Variants in GBF1 observed in about 807,000 individuals in gnomAD.
GBF1 encodes Golgi-specific brefeldin A-resistance guanine nucleotide exchange factor 1.
A neutral mutation model predicts 210.5 loss-of-function variants in GBF1; 114 were observed. The observed-to-expected ratio is 0.54, with a 90% CI of 0.47 to 0.63. The LOEUF (loss-of-function observed/expected upper bound fraction) is 0.63, where lower values mean the gene tolerates loss of function less well. GBF1 is among the 30% of genes least tolerant of loss of function. The pLI is 0.00. For missense variants in GBF1, 1,851 were observed against 2,357.7 expected, an observed-to-expected ratio of 0.79 and a Z score of 4.45; for synonymous variants, 850 against 889.2, an observed-to-expected ratio of 0.96 and a Z score of 0.78.
At chr10:102,237,679 G>T in the GBF1 span, among the ~76,000 whole-genome samples, 1 of 152,036 alleles carries the variant, frequency 6.6e-6, no homozygotes, top group African/African-American at 2.4e-5. Context: ...ATTGTTTTGA[G>T]GTCACCAGCT....
chr10:102,298,646 G>C (rs1349415364), intron 3 of GBF1, among the ~76,000 whole-genome samples: 2 of 152,138 alleles, frequency 1.3e-5, no homozygotes, highest in African/African-American at 4.8e-5. Flanking sequence ...AACTTTGTAT[G>C]TATCATCTCA....
chr10:102,376,990 C>A lies in GBF1; in HGVS notation c.4344C>A (p.Asn1448Lys). The change falls in exon 33 of 40, where the codon AAC (asparagine) becomes AAA (lysine). Residue 1448 changes from asparagine (N) to lysine (K), a missense_variant. Asn to Lys is a moderately conservative substitution (Grantham distance 94). Coordinates refer to ENST00000369983, the MANE Select transcript of GBF1 (RefSeq NM_001377137.1). ...GKSHKYDSKG[N>K]RFKKKSKEGS... ...GTCACAAATATGACAGCAAAGGGAACCGCTTCAAGAAGAAATCCAAAGAGG... is the reference window on the plus strand; with the variant it reads ...GTCACAAATATGACAGCAAAGGGAAACGCTTCAAGAAGAAATCCAAAGAGG... 1 of 1,614,162 alleles carries A rather than the reference C, an allele frequency of 6.2e-7. No individual in the cohort carries two copies. The highest frequency in any genetic ancestry group is 8.5e-7 in the Non-Finnish European group (1 of 1,180,020).
chr10:102,257,703 C>A (rs1474917195), intron 1 of GBF1, among the ~76,000 whole-genome samples: 14 of 152,072 alleles, frequency 9.2e-5, no homozygotes, highest in Non-Finnish European at 1.2e-4. Context: ...TAACTTGAAT[C>A]TTTAAATTCA....
In GBF1 at chr10:102,376,432, G is replaced by A. The variant is rs1267203798; in HGVS notation, c.4047G>A (p.Val1349=). 6.2e-7 allele frequency: 1 copy of A among 1,614,138 alleles called. No homozygotes were observed. The highest frequency in any genetic ancestry group is 8.5e-7 in the Non-Finnish European group (1 of 1,179,986). Residue 1349 remains valine (V), a splice_region_variant and synonymous_variant, in exon 31 of 40, where the codon GTG becomes GTA. Coordinates refer to ENST00000369983, the MANE Select transcript of GBF1 (RefSeq NM_001377137.1). ...ATGTGGTCAACAGTGGTTGGTTAGT[G>A]GTGAGTGACAATATGGGCAGCAATT... ...DADVVNSGWL[V]VGKDDVDNSK...
At chr10:102,331,043 A>G (rs371007263) in intron 3 of GBF1, among the ~76,000 whole-genome samples, 12 of 152,150 alleles carry the variant, frequency 7.9e-5, no homozygotes, top group African/African-American at 2.7e-4. Flanking sequence ...TTTCAGGAGC[A>G]GAGATTTACG....
At chr10:102,351,191 G>A in intron 4 of GBF1, 65 bp from the exon 5 acceptor site, 1 of 911,516 alleles carries the variant, frequency 1.1e-6, no homozygotes, top group South Asian at 1.4e-5. Context: ...AAGCTAGACA[G>A]GCTGCCTTAC....
intron 4 of GBF1, among the ~76,000 whole-genome samples, chr10:102,347,115 G>T (rs370035513): frequency 6.6e-6 from 1 of 152,192 alleles, no homozygotes; most frequent in African/African-American, 2.4e-5. Context: ...CAAGGATGAA[G>T]AATATAGAAA....
chr10:102,366,017 G>A lies in GBF1; in HGVS notation c.2310-366G>A, dbSNP rs113132734. 2.0e-3 allele frequency among the ~76,000 whole-genome samples: 298 copies of A among 152,030 alleles called. No homozygotes were observed. The highest frequency in any genetic ancestry group is 6.8e-3 in the African/African-American group (284 of 41,474). ...AGGGACAGAACATCCCTACCTCAAA[G>A]CGGTCTCTATAAATTTCTTCTGGAG... On this transcript the variant is annotated intron_variant, in intron 18 of 39. Transcript: ENST00000369983. The surrounding 1 kb of genome is among the most constrained non-coding windows in gnomAD (Gnocchi z 4.0).
Position 102,361,018 on chromosome 10 carries a change from C to T in GBF1, c.1393-4C>T. The T allele has an allele frequency of 6.8e-7, 1 of 1,469,114 alleles. No individual in the cohort carries two copies. The highest frequency in any genetic ancestry group is 9.5e-7 in the Non-Finnish European group (1 of 1,048,238). The allele number at this position is 1,469,114 out of a possible 1,614,324, so 91.0% of individuals were successfully genotyped here. On this transcript the variant is annotated splice_region_variant and splice_polypyrimidine_tract_variant and intron_variant, in intron 12 of 39. Transcript: ENST00000369983. ...CTCATGGCCTACCCTGCTCTCATCT[C>T]CAGCTACTCAGCATAGAGCGACTAA...
chr10:102,364,961 G>C (rs7899769), intron 17 of GBF1, among the ~76,000 whole-genome samples: 2,741 of 152,280 alleles, frequency 0.018, 76 homozygotes, highest in African/African-American at 0.062. Flanking sequence ...AGAAATATGA[G>C]TTGCCTCCAC....
chr10:102,365,318 G>A, intron 17 of GBF1, 79 bp from the exon 18 acceptor site: 1 of 1,012,266 alleles, frequency 9.9e-7, no homozygotes, highest in Non-Finnish European at 1.5e-6. Flanking sequence ...AACTGTGGGT[G>A]GGCTATGGTG....
At chr10:102,321,694 C>T (rs539495728) in intron 3 of GBF1, among the ~76,000 whole-genome samples, 9 of 151,908 alleles carry the variant, frequency 5.9e-5, no homozygotes, top group East Asian at 1.9e-4. Context: ...CTCAGCCTCC[C>T]GAGTAGCTGG....
Position 102,352,533 on chromosome 10 carries a change from G to A in GBF1, c.584+15G>A. 1.3e-6 allele frequency: 2 copies of A among 1,589,888 alleles called. No homozygotes were observed. Among genetic ancestry groups the A allele is most frequent in the African/African-American group, 1.3e-5 (1 of 74,554 alleles). ...CTCTTCACAAGGTAAACCTGCTGCT[G>A]TTTGCTTCAGCCCGGCTGCCCAGGC... is the stretch of plus-strand genomic sequence containing the variant. On this transcript the variant is annotated intron_variant, in intron 7 of 39. Coordinates refer to ENST00000369983, the MANE Select transcript of GBF1 (RefSeq NM_001377137.1).
At chr10:102,285,984 G>A (rs902011714) in intron 3 of GBF1, among the ~76,000 whole-genome samples, 1 of 151,894 alleles carries the variant, frequency 6.6e-6, no homozygotes, top group Non-Finnish European at 1.5e-5. Flanking sequence ...AAAAAAAAAG[G>A]TTGAACCTGT....
At chr10:102,299,502 G>T (rs2077166236) in intron 3 of GBF1, among the ~76,000 whole-genome samples, 1 of 152,154 alleles carries the variant, frequency 6.6e-6, no homozygotes, top group Admixed American at 6.6e-5. Flanking sequence ...TGTAAAAAGG[G>T]CCAGGCGCAG....
chr10:102,375,620 T>TA (rs1426198253), intron 30 of GBF1, 36 bp downstream of exon 30: 1 of 1,367,530 alleles, frequency 7.3e-7, no homozygotes, highest in East Asian at 2.3e-5. Context: ...GGCTGGCAGA[T>TA]AAACAGTTAC....
intron 3 of GBF1, among the ~76,000 whole-genome samples, chr10:102,266,238 CA>C (rs58837022): frequency 3.5e-4 from 49 of 141,340 alleles, no homozygotes; most frequent in Non-Finnish European, 6.1e-4. Context: ...TACTCTGTCT[CA>C]AAAAAAAAAA....
At chr10:102,286,362 G>T (rs1447663252) in intron 3 of GBF1, among the ~76,000 whole-genome samples, 2 of 152,162 alleles carry the variant, frequency 1.3e-5, no homozygotes, top group African/African-American at 2.4e-5. Flanking sequence ...AAGGCAGTTT[G>T]TGGAGCCTGG....
chr10:102,231,501 C>T, the GBF1 span: 1 of 860,814 alleles, frequency 1.2e-6, no homozygotes, highest in Non-Finnish European at 1.8e-6. Context: ...AGGGAGGGGG[C>T]AGGTGGGGTG....
Sources: gnomAD v4.1 joint callset for allele counts (sites outside exome capture counted in the v4.1 genomes callset) on GRCh38, gnomAD v4.1.1 for gene constraint, Gnocchi (gnomAD v3.1) non-coding constraint, MANE v1.5 for transcripts, NCBI Gene and HGNC (gene_info 2026-07-23, HGNC 2026-07-21) for gene names.